Variants in LSAMP observed in about 807,000 individuals in gnomAD.
LSAMP encodes limbic system-associated membrane protein.
A neutral mutation model predicts 38.6 loss-of-function variants in LSAMP; 7 were observed. The ratio of observed to expected loss-of-function variants is 0.18; its 90% confidence interval spans 0.10 to 0.34. The LOEUF is 0.34. Ranked by LOEUF, LSAMP falls within the 10% of genes least tolerant of loss-of-function variation. The pLI is 1.00. For synonymous variants in LSAMP, 154 were observed against 166.8 expected (o/e 0.92, Z 0.59); for missense variants, 313 against 420.0 (o/e 0.75, Z 2.23).
chr3:116,149,933 ATCTT>A (rs979600329), intron 1 of LSAMP, among the ~76,000 whole-genome samples: 4 of 152,058 alleles, frequency 2.6e-5, no homozygotes, highest in African/African-American at 9.7e-5. Flanking sequence ...AATAGCAAAT[ATCTT>A]TCTAACTGTA....
rs949719844 is a variant in LSAMP, at chr3:116,380,187, C to T, written c.155+64690G>A. Among the ~76,000 whole-genome samples the T allele has an allele frequency of 2.4e-4, 37 of 151,934 alleles. 1 individual carries two copies. Among genetic ancestry groups the T allele is most frequent in the Admixed American group, 6.6e-5 (1 of 15,232 alleles). Reference sequence around the variant, plus strand: ...TCAATAGCATGTACCTCTTGGGTTGCTATAGGCGGCAAAAATTATAATCCA... The same window carrying T: ...TCAATAGCATGTACCTCTTGGGTTGTTATAGGCGGCAAAAATTATAATCCA... On this transcript the variant is annotated intron_variant, in intron 1 of 6. Coordinates refer to ENST00000490035, the MANE Select transcript of LSAMP (RefSeq NM_002338.5).
chr3:116,225,714 A>G (rs2046335049), intron 1 of LSAMP, among the ~76,000 whole-genome samples: 1 of 151,940 alleles, frequency 6.6e-6, no homozygotes, highest in Non-Finnish European at 1.5e-5. Flanking sequence ...GCAGTTGTTA[A>G]GCCTAGGAAT....
chr3:116,295,875 A>C lies in LSAMP; in HGVS notation c.155+149002T>G, dbSNP rs138572875. ...CCACAGTTCAGACTTCAGATTAAGAAGGGGACTAGAGTGTTATTTGTGCCT... is the reference window on the plus strand; with the variant it reads ...CCACAGTTCAGACTTCAGATTAAGACGGGGACTAGAGTGTTATTTGTGCCT... On this transcript the variant is annotated intron_variant, in intron 1 of 6. Coordinates refer to ENST00000490035, the MANE Select transcript of LSAMP (RefSeq NM_002338.5). 5.9e-5 allele frequency among the ~76,000 whole-genome samples: 9 copies of C among 152,346 alleles called. No individual in the cohort carries two copies. In the East Asian group the frequency reaches 1.7e-3, roughly 29 times the overall value.
chr3:115,853,687 G>A (rs1935405574), intron 3 of LSAMP, among the ~76,000 whole-genome samples: 1 of 152,154 alleles, frequency 6.6e-6, no homozygotes, highest in Admixed American at 6.5e-5. Context: ...TGGGTAGCAG[G>A]AAGAGCCTAG....
intron 1 of LSAMP, among the ~76,000 whole-genome samples, chr3:116,298,812 G>A (rs966409731): frequency 1.1e-4 from 17 of 151,968 alleles, no homozygotes; most frequent in Admixed American, 2.6e-4. Flanking sequence ...TTTATTTCCC[G>A]TTATATTTAG....
rs1225372033 is a variant in LSAMP at position 116,206,475 on chromosome 3, A to T, written c.156-119919T>A. ...TGAATGTGTTTGCGCTTGCTTTTCTAGTTCTTTTAATTGTGATGTTAGGGT... is the reference window on the plus strand; with the variant it reads ...TGAATGTGTTTGCGCTTGCTTTTCTTGTTCTTTTAATTGTGATGTTAGGGT... On this transcript the variant is annotated intron_variant, in intron 1 of 6. Coordinates refer to ENST00000490035, the MANE Select transcript of LSAMP (RefSeq NM_002338.5). Among the ~76,000 whole-genome samples the T allele has an allele frequency of 9.3e-5, 12 of 129,226 alleles. No homozygotes were observed. In the East Asian group the frequency reaches 2.3e-3, roughly 25 times the overall value. 84.8% of individuals were successfully genotyped at this position (129,226 alleles called of 152,430 possible).
intron 1 of LSAMP, among the ~76,000 whole-genome samples, chr3:116,158,757 T>A (rs1448163478): frequency 6.6e-6 from 1 of 152,066 alleles, no homozygotes; most frequent in African/African-American, 2.4e-5. Context: ...TCAATATAGT[T>A]AAAATGGTCA....
chr3:116,347,625 A>G (rs1354099556), intron 1 of LSAMP, among the ~76,000 whole-genome samples: 1 of 152,100 alleles, frequency 6.6e-6, no homozygotes, highest in Non-Finnish European at 1.5e-5. Flanking sequence ...TCTATTTTAG[A>G]ATAACTATGA....
chr3:115,980,404 T>C (rs1423045221), intron 3 of LSAMP, among the ~76,000 whole-genome samples: 1 of 152,108 alleles, frequency 6.6e-6, no homozygotes, highest in Non-Finnish European at 1.5e-5. Context: ...CTTTTTTCTG[T>C]GTAAAAGGAA....
intron 1 of LSAMP, among the ~76,000 whole-genome samples, chr3:116,146,046 A>AT (rs1045820055): frequency 5.3e-5 from 8 of 151,788 alleles, no homozygotes; most frequent in African/African-American, 1.7e-4. Flanking sequence ...TCACACAAGA[A>AT]TTTTTTTTCC....
intron 3 of LSAMP, among the ~76,000 whole-genome samples, chr3:115,982,759 A>C (rs1047352766): frequency 6.6e-6 from 1 of 151,314 alleles, no homozygotes; most frequent in Non-Finnish European, 1.5e-5. Flanking sequence ...TATCTCCATC[A>C]CTGTCTCAGC....
intron 3 of LSAMP, among the ~76,000 whole-genome samples, chr3:115,924,756 T>C (rs563512103): frequency 6.6e-6 from 1 of 152,312 alleles, no homozygotes; most frequent in African/African-American, 2.4e-5. Context: ...TAAATAAATG[T>C]CGGGTCAAAT....
intron 1 of LSAMP, among the ~76,000 whole-genome samples, chr3:116,129,577 G>A (rs920638656): frequency 3.9e-5 from 6 of 152,144 alleles, no homozygotes; most frequent in African/African-American, 7.2e-5. Context: ...CTTTGGCAAG[G>A]ACCCAGTAAA....
chr3:116,442,484 T>C (rs1443494907), intron 1 of LSAMP, among the ~76,000 whole-genome samples: 1 of 152,136 alleles, frequency 6.6e-6, no homozygotes, highest in Non-Finnish European at 1.5e-5. Flanking sequence ...CAGGCTGGCC[T>C]TATAAGCAGA....
At chr3:115,936,553 C>T (rs1937708288) in intron 3 of LSAMP, among the ~76,000 whole-genome samples, 1 of 151,882 alleles carries the variant, frequency 6.6e-6, no homozygotes, top group South Asian at 2.1e-4. Context: ...TTTACTTGGA[C>T]CTTTCAGGGA....
chr3:115,946,991 A>G (rs1019411924), intron 3 of LSAMP, among the ~76,000 whole-genome samples: 1 of 143,714 alleles, frequency 7.0e-6, no homozygotes, highest in Non-Finnish European at 1.6e-5. Flanking sequence ...AAAAAGTTGC[A>G]TTAGCATTTG....
chr3:116,155,912 C>G (rs1480719047), intron 1 of LSAMP, among the ~76,000 whole-genome samples: 3 of 152,120 alleles, frequency 2.0e-5, no homozygotes, highest in African/African-American at 7.2e-5. Flanking sequence ...AATTGCAAAA[C>G]TGTTTGCTGT....
intron 3 of LSAMP, among the ~76,000 whole-genome samples, chr3:115,998,510 A>G (rs1559913908): frequency 1.3e-5 from 2 of 151,948 alleles, no homozygotes; most frequent in African/African-American, 2.4e-5. Flanking sequence ...TGGTCACTAG[A>G]CCACACTCAG....
At chr3:116,317,504 C>T (rs558794829) in intron 1 of LSAMP, among the ~76,000 whole-genome samples, 16 of 152,044 alleles carry the variant, frequency 1.1e-4, no homozygotes, top group African/African-American at 3.1e-4. Context: ...TACAGGCGCC[C>T]GCCACCACGT....
Sources: allele counts gnomAD v4.1 joint callset (sites outside exome capture counted in the v4.1 genomes callset), GRCh38; gene constraint gnomAD v4.1.1; transcripts MANE v1.5; gene names NCBI Gene and HGNC (gene_info 2026-07-23, HGNC 2026-07-21).